Variants in GNG7 observed in about 807,000 individuals in gnomAD.
GNG7 encodes G protein subunit gamma 7.
In GNG7, 1 loss-of-function variant was observed where a neutral mutation model predicts 4.0. That is an observed-to-expected ratio of 0.25 (90% CI 0.09 to 1.18). The LOEUF (loss-of-function observed/expected upper bound fraction) is 1.18, where lower values mean the gene tolerates loss of function less well. Ranked by LOEUF, GNG7 falls within the 50% of genes most tolerant of loss-of-function variation. GNG7 has a pLI of 0.50. For missense variants in GNG7, 86 were observed against 91.9 expected, an observed-to-expected ratio of 0.94 and a Z score of 0.26; for synonymous variants, 34 against 36.9, an observed-to-expected ratio of 0.92 and a Z score of 0.29.
At chr19:2,559,716 G>A (rs1979678125) in intron 2 of GNG7, among the ~76,000 whole-genome samples, 1 of 78,272 alleles carries the variant, frequency 1.3e-5, no homozygotes, top group African/African-American at 6.2e-5. Context: ...GTTTCTCCAT[G>A]TTGGTCAGAC....
chr19:2,673,414 C>T (rs570324082), intron 1 of GNG7, among the ~76,000 whole-genome samples: 6 of 151,822 alleles, frequency 4.0e-5, no homozygotes, highest in South Asian at 2.1e-4. Flanking sequence ...AAATAAAGAC[C>T]GGGCGCCGTG....
At chr19:2,553,729 C>A (rs987212435) in intron 3 of GNG7, among the ~76,000 whole-genome samples, 1 of 148,398 alleles carries the variant, frequency 6.7e-6, no homozygotes, top group African/African-American at 2.5e-5. Context: ...CATATATGTA[C>A]ATATTACATG....
At chr19:2,538,706 C>T (rs1324908832) in intron 3 of GNG7, 2 of 461,844 alleles carry the variant, frequency 4.3e-6, no homozygotes, top group African/African-American at 4.0e-5. Flanking sequence ...ACTGAGATTC[C>T]TGAATTCCTC....
chr19:2,558,600 A>C (rs1335686427), intron 2 of GNG7, among the ~76,000 whole-genome samples: 1 of 151,996 alleles, frequency 6.6e-6, no homozygotes, highest in Admixed American at 6.6e-5. Flanking sequence ...AAAATAAGAG[A>C]GTGTGTGTAG....
rs1170499158 is a variant in GNG7 at position 2,622,674 on chromosome 19, C to T, written c.-78+23550G>A. Among the ~76,000 whole-genome samples the T allele has an allele frequency of 3.8e-5, 5 of 130,792 alleles. 1 individual carries two copies. The highest frequency in any genetic ancestry group is 7.9e-5 in the Non-Finnish European group (5 of 62,946). The allele number at this position is 130,792 out of a possible 152,430, so 85.8% of individuals were successfully genotyped here. A position where few individuals can be genotyped will look rare whatever the true frequency, so the allele number is the denominator to read the frequency against. On this transcript the variant is annotated intron_variant, in intron 2 of 4. Transcript: ENST00000382159. ...GAAGGGGAACCCAACGCGAGCAACG[C>T]GGCAGATAGGGGGCTTCCGGGAAGG...
Position 2,611,700 on chromosome 19 carries a change from C to T in GNG7, c.-78+34524G>A. ...AAAAATTAAAAATTAGCCGGGCATG[C>T]TGGCGGGCGCCTGTAATCCCATCTA... On this transcript the variant is annotated intron_variant, in intron 2 of 4. Transcript: ENST00000382159. The surrounding 1 kb of genome is among the most constrained non-coding windows in gnomAD (Gnocchi z 6.0). 1 of 152,088 alleles carries T rather than the reference C, an allele frequency of 6.6e-6. No homozygotes were observed. The highest frequency in any genetic ancestry group is 1.5e-5 in the Non-Finnish European group (1 of 68,006). The allele number at this position is 152,088 out of a possible 1,614,324, so 9.4% of individuals were successfully genotyped here. A position where few individuals can be genotyped will look rare whatever the true frequency, so the allele number is the denominator to read the frequency against.
intron 3 of GNG7, among the ~76,000 whole-genome samples, chr19:2,540,016 TTC>T (rs879338023): frequency 4.2e-5 from 6 of 144,224 alleles, no homozygotes; most frequent in South Asian, 2.3e-4. Flanking sequence ...TCTTCTTTCT[TTC>T]TCTTTCTCTC....
At chr19:2,583,337 T>C (rs569802174) in intron 2 of GNG7, among the ~76,000 whole-genome samples, 48 of 152,352 alleles carry the variant, frequency 3.2e-4, no homozygotes, top group Middle Eastern at 3.4e-3. Flanking sequence ...AGTTGTACTA[T>C]TTTGATGATT....
intron 2 of GNG7, among the ~76,000 whole-genome samples, chr19:2,574,905 G>C (rs947460010): frequency 6.6e-6 from 1 of 152,140 alleles, no homozygotes; most frequent in Non-Finnish European, 1.5e-5. Flanking sequence ...TCAGCGTCCT[G>C]CCTGTTAAAT....
intron 2 of GNG7, among the ~76,000 whole-genome samples, chr19:2,568,834 A>T (rs1980051371): frequency 6.6e-6 from 1 of 152,130 alleles, no homozygotes; most frequent in South Asian, 2.1e-4. Context: ...ACAAATATAT[A>T]CACATATGCA....
intron 2 of GNG7, among the ~76,000 whole-genome samples, chr19:2,623,399 C>G (rs560156393): frequency 6.6e-6 from 1 of 152,270 alleles, no homozygotes; most frequent in East Asian, 1.9e-4. Flanking sequence ...ACTGTTCACT[C>G]ATGTTCACAG....
At chr19:2,697,993 G>A (rs1461682563) in intron 1 of GNG7, among the ~76,000 whole-genome samples, 1 of 151,938 alleles carries the variant, frequency 6.6e-6, no homozygotes, top group African/African-American at 2.4e-5. Flanking sequence ...CAGGCCGGGT[G>A]CGGGGGCTCA....
At chr19:2,562,286 CTTTCTTT>C (rs1979766766) in intron 2 of GNG7, among the ~76,000 whole-genome samples, 2 of 104,492 alleles carry the variant, frequency 1.9e-5, no homozygotes, top group African/African-American at 5.7e-5. Flanking sequence ...CTTTCTTTTT[CTTTCTTT>C]TTTTTTTTGA....
intron 2 of GNG7, among the ~76,000 whole-genome samples, chr19:2,645,852 C>T (rs77947516): frequency 0.056 from 8,485 of 152,222 alleles, 352 homozygotes; most frequent in Admixed American, 0.13. Flanking sequence ...GGGCCAGCGA[C>T]GGGTCACTCT....
chr19:2,682,272 C>T (rs564060789), intron 1 of GNG7, among the ~76,000 whole-genome samples: 1 of 152,200 alleles, frequency 6.6e-6, no homozygotes, highest in South Asian at 2.1e-4. Flanking sequence ...AGAAGGAAGC[C>T]GGAGTTTTAC....
chr19:2,631,841 A>G (rs1482611446), intron 2 of GNG7: 18 of 152,252 alleles, frequency 1.2e-4, no homozygotes, highest in Admixed American at 1.2e-3. Flanking sequence ...CCCCGGCTTT[A>G]GCAGTTTTTT....
intron 2 of GNG7, among the ~76,000 whole-genome samples, chr19:2,560,973 A>T (rs531783990): frequency 0.026 from 3,589 of 139,336 alleles, 79 homozygotes; most frequent in Middle Eastern, 0.089. Context: ...AAAAAAAAAA[A>T]TTATTTGGGA....
intron 2 of GNG7, among the ~76,000 whole-genome samples, chr19:2,568,236 CAT>C (rs1409495129): frequency 6.6e-6 from 1 of 151,434 alleles, no homozygotes; most frequent in East Asian, 1.9e-4. Flanking sequence ...CACACGTGCA[CAT>C]ACACACATAT....
At chr19:2,607,522 T>C (rs146243477) in intron 2 of GNG7, among the ~76,000 whole-genome samples, 1,179 of 99,754 alleles carry the variant, frequency 0.012, 23 homozygotes, top group African/African-American at 0.046. Flanking sequence ...AGAGTGAAAC[T>C]CCATCTCAAA....
Sources: allele counts gnomAD v4.1 joint callset (sites outside exome capture counted in the v4.1 genomes callset), GRCh38; gene constraint gnomAD v4.1.1; non-coding constraint Gnocchi (gnomAD v3.1); transcripts MANE v1.5; gene names NCBI Gene and HGNC (gene_info 2026-07-23, HGNC 2026-07-21).